MTA3: variants seen among roughly 807,000 people sequenced by gnomAD.
The protein encoded by MTA3 is metastasis-associated protein MTA3.
Under a neutral mutation model 83.5 loss-of-function variants are expected in MTA3, and 34 were observed. The ratio of observed to expected loss-of-function variants is 0.41; its 90% CI spans 0.31 to 0.54. The LOEUF (loss-of-function observed/expected upper bound fraction) is 0.54. Among genes scored for constraint, MTA3 ranks in the 20% least tolerant of loss-of-function variants. MTA3 has a pLI of 0.33. For missense variants in MTA3, 761 were observed against 726.4 expected, an observed-to-expected ratio of 1.05 and a Z score of -0.55; for synonymous variants, 303 against 252.7, an observed-to-expected ratio of 1.20 and a Z score of -1.89.
At chr2:42,712,613 A>G (rs1033769023) in intron 14 of MTA3, 2 of 152,216 alleles carry the variant, frequency 1.3e-5, no homozygotes, top group Non-Finnish European at 2.9e-5. Flanking sequence ...AGCCAGTTCT[A>G]CCACGTAGAC....
chr2:42,613,905 A>T (rs1684525930), intron 4 of MTA3: 1 of 152,044 alleles, frequency 6.6e-6, no homozygotes, highest in African/African-American at 2.4e-5. Flanking sequence ...CCTTTGGGAC[A>T]TTTTTTTGAG....
intron 2 of MTA3, among the ~76,000 whole-genome samples, chr2:42,558,973 C>A (rs1484378977): frequency 6.6e-6 from 1 of 152,006 alleles, no homozygotes; most frequent in Admixed American, 6.6e-5. Flanking sequence ...GAGAACCAAC[C>A]TTTGCTCTCA....
intron 2 of MTA3, among the ~76,000 whole-genome samples, chr2:42,503,275 G>A (rs750625311): frequency 4.6e-5 from 7 of 152,172 alleles, no homozygotes; most frequent in Non-Finnish European, 8.8e-5. Flanking sequence ...CATGGCATTT[G>A]CAAACTGTCA....
intron 10 of MTA3, among the ~76,000 whole-genome samples, chr2:42,696,803 A>G (rs1167992111): frequency 6.6e-6 from 1 of 152,200 alleles, no homozygotes; most frequent in Non-Finnish European, 1.5e-5. Flanking sequence ...CAAATAGTGA[A>G]TAGATACTCA....
chr2:42,737,796 T>TC (rs1289884433), intron 16 of MTA3, among the ~76,000 whole-genome samples: 3 of 152,200 alleles, frequency 2.0e-5, no homozygotes, highest in Non-Finnish European at 4.4e-5. Context: ...GGATCTAAAC[T>TC]CCAAATCTAG....
chr2:42,638,007 T>C (rs1687347490), intron 4 of MTA3, among the ~76,000 whole-genome samples: 1 of 152,128 alleles, frequency 6.6e-6, no homozygotes, highest in African/African-American at 2.4e-5. Flanking sequence ...CAGATTTCTT[T>C]TTTTCTTCTC....
chr2:42,568,635 G>A lies in MTA3; in HGVS notation c.-111G>A. On this transcript the variant is annotated 5_prime_UTR_variant, in exon 1 of 17. Coordinates refer to ENST00000405094, the MANE Select transcript of MTA3 (RefSeq NM_001330442.2). ...TCCCTTCCCTCCCTTCCCCCCCGTG[G>A]CGAGGCAGCAGCGACGGCGGCGGCG... 1.5e-6 allele frequency: 1 copy of A among 653,544 alleles called. No individual in the cohort carries two copies. Among genetic ancestry groups the A allele is most frequent in the Non-Finnish European group, 2.1e-6 (1 of 484,250 alleles). The allele number at this position is 653,544 out of a possible 1,614,324, so 40.5% of individuals were successfully genotyped here. A position where few individuals can be genotyped will look rare whatever the true frequency, so the allele number is the denominator to read the frequency against.
At chr2:42,596,586 C>G (rs1389828727) in intron 3 of MTA3, among the ~76,000 whole-genome samples, 2 of 152,142 alleles carry the variant, frequency 1.3e-5, no homozygotes, top group African/African-American at 2.4e-5. Flanking sequence ...ATCTGGTCTT[C>G]TGAATGTTAA....
Position 42,755,644 on chromosome 2 carries a change from AG to A in MTA3, c.*2248del, listed in dbSNP as rs1463847042. Reference sequence around the variant, plus strand: ...ACAGAATCCCCCAGGCAATGGAGGAAGGGTGCCGAGGCGCCTCTAGTCTGTG... The same window carrying A: ...ACAGAATCCCCCAGGCAATGGAGGAAGGTGCCGAGGCGCCTCTAGTCTGTG... On this transcript the variant is annotated 3_prime_UTR_variant, in exon 17 of 17. Coordinates refer to ENST00000405094, the MANE Select transcript of MTA3 (RefSeq NM_001330442.2). The A allele has an allele frequency of 1.0e-6, 1 of 985,400 alleles. No individual in the cohort carries two copies. The highest frequency in any genetic ancestry group is 1.2e-6 in the Non-Finnish European group (1 of 830,030). The allele number at this position is 985,400 out of a possible 1,614,324, so 61.0% of individuals were successfully genotyped here.
chr2:42,686,694 G>A (rs1011812866), intron 9 of MTA3, among the ~76,000 whole-genome samples: 1 of 152,114 alleles, frequency 6.6e-6, no homozygotes, highest in Admixed American at 6.6e-5. Flanking sequence ...GGGCATGCTA[G>A]TGCAGGCCTG....
intron 16 of MTA3, among the ~76,000 whole-genome samples, chr2:42,726,883 C>T (rs886878300): frequency 2.2e-4 from 33 of 152,098 alleles, no homozygotes; most frequent in Non-Finnish European, 8.8e-5. Context: ...AATCTAAACT[C>T]CAAAGGTGAA....
Position 42,644,235 on chromosome 2 carries a change from C to T in MTA3, c.490C>T (p.Leu164=), listed in dbSNP as rs1425564273. ...ATATCAAGCAGACATTCCAGAAATG[C>T]TGTTAGAAGGTACGTTTTTCTGCGT... The part of the protein sequence containing the change: ...PRYQADIPEM[L]LEGESDEREQ... The change falls in exon 6 of 17, where the codon CTG becomes TTG. Residue 164 remains leucine (L), a synonymous_variant. Coordinates refer to ENST00000405094, the MANE Select transcript of MTA3 (RefSeq NM_001330442.2). 3 of 1,606,286 alleles carry T rather than the reference C, an allele frequency of 1.9e-6. No homozygotes were observed. The highest frequency in any genetic ancestry group is 2.6e-6 in the Non-Finnish European group (3 of 1,175,634).
chr2:42,640,268 T>G (rs748667255), intron 5 of MTA3, 32 bp downstream of exon 5: 2 of 1,475,062 alleles, frequency 1.4e-6, no homozygotes, highest in Admixed American at 3.9e-5. Context: ...TTTGTTTTTT[T>G]CTCCCTTTAT....
chr2:42,670,635 G>A (rs879362075), intron 8 of MTA3, among the ~76,000 whole-genome samples: 1 of 151,856 alleles, frequency 6.6e-6, no homozygotes, highest in African/African-American at 2.4e-5. Flanking sequence ...CTTCTGATTG[G>A]TTGCTGTGAA....
intron 9 of MTA3, among the ~76,000 whole-genome samples, chr2:42,689,786 T>TC (rs1692708575): frequency 6.6e-6 from 1 of 150,962 alleles, no homozygotes; most frequent in South Asian, 2.1e-4. Context: ...TTTTTTTTTT[T>TC]CTTTTTTCTT....
chr2:42,701,495 G>A (rs538606131), intron 11 of MTA3, among the ~76,000 whole-genome samples: 8 of 152,066 alleles, frequency 5.3e-5, no homozygotes, highest in Admixed American at 4.6e-4. Context: ...TACTTGAGAG[G>A]CTGAGGTGGG....
At chr2:42,733,261 G>A (rs558873322) in intron 16 of MTA3, among the ~76,000 whole-genome samples, 67 of 152,306 alleles carry the variant, frequency 4.4e-4, no homozygotes, top group African/African-American at 1.6e-3. Flanking sequence ...GAGGTGAAAG[G>A]CACATCTTAC....
At chr2:42,668,011 T>C (rs1267444191) in intron 8 of MTA3, among the ~76,000 whole-genome samples, 1 of 152,214 alleles carries the variant, frequency 6.6e-6, no homozygotes, top group Non-Finnish European at 1.5e-5. Context: ...CGCAAGTTAC[T>C]TAACCTACCT....
intron 16 of MTA3, among the ~76,000 whole-genome samples, chr2:42,731,578 C>G (rs1668230691): frequency 6.6e-6 from 1 of 152,082 alleles, no homozygotes; most frequent in Non-Finnish European, 1.5e-5. Flanking sequence ...AGACCGACCC[C>G]CATGATTGAA....
Sources: allele counts gnomAD v4.1 joint callset (sites outside exome capture counted in the v4.1 genomes callset), GRCh38; gene constraint gnomAD v4.1.1; transcripts MANE v1.5; gene names NCBI Gene and HGNC (gene_info 2026-07-23, HGNC 2026-07-21).